Variants in SRP19 observed in about 807,000 individuals in gnomAD.
SRP19 encodes the protein signal recognition particle 19, also known as signal recognition particle 19 kDa protein.
In SRP19, 11 loss-of-function variants were observed where a neutral mutation model predicts 22.4. The observed-to-expected ratio is 0.49, with a 90% CI of 0.31 to 0.81. SRP19 has a LOEUF of 0.81. Among genes scored for constraint, SRP19 ranks in the 40% least tolerant of loss-of-function variants. The pLI is 0.05. For missense variants in SRP19, 168 were observed against 175.9 expected (o/e 0.96, Z 0.25); for synonymous variants, 61 against 57.6 (o/e 1.06, Z -0.27).
intron 4 of SRP19, chr5:112,878,616 ATAT>A (rs1767968552): frequency 9.3e-6 from 9 of 968,494 alleles, no homozygotes; most frequent in Admixed American, 5.9e-5. Context: ...CTCCCTATAT[ATAT>A]AGACAGTAAA....
chr5:112,874,871 G>A (rs1001309437), intron 4 of SRP19, among the ~76,000 whole-genome samples: 13 of 151,600 alleles, frequency 8.6e-5, no homozygotes, highest in Non-Finnish European at 1.6e-4. Flanking sequence ...TGCCTCCTGG[G>A]TTCAAGCCAT....
chr5:112,866,203 G>A (rs144784670), intron 4 of SRP19, among the ~76,000 whole-genome samples: 9,865 of 149,386 alleles, frequency 0.066, 396 homozygotes, highest in South Asian at 0.14. Flanking sequence ...CGCAACCTCC[G>A]CCTCCCGGGT....
chr5:112,893,709 A>G (rs1378449096), downstream of SRP19: 1 of 152,256 alleles, frequency 6.6e-6, no homozygotes, highest in African/African-American at 2.4e-5. Context: ...TGAATGTGCA[A>G]TCATGCAAAA....
At chr5:112,892,299 G>T (rs1327061599) in exon 5 of SRP19, 1 of 1,614,102 alleles carries the variant, frequency 6.2e-7, no homozygotes, top group Admixed American at 1.7e-5. Context: ...AGCAGTGCAG[G>T]AGGGATGACT....
downstream of SRP19, chr5:112,896,822 T>C (rs1027577926): frequency 2.0e-5 from 3 of 151,970 alleles, no homozygotes; most frequent in Non-Finnish European, 4.4e-5. Context: ...TCCCAGCTAC[T>C]CGGGAGGCTG....
chr5:112,873,760 G>T (rs937713053), downstream of SRP19, among the ~76,000 whole-genome samples: 8 of 99,100 alleles, frequency 8.1e-5, no homozygotes, highest in Admixed American at 8.7e-4. Flanking sequence ...TAGTCTTATT[G>T]TTTCCAAGTT....
intron 4 of SRP19, chr5:112,886,914 G>T: frequency 1.2e-6 from 1 of 803,316 alleles, no homozygotes; most frequent in Non-Finnish European, 2.0e-6. Context: ...GCATTTGGCT[G>T]AGGGGTGGTG....
chr5:112,879,328 G>T (rs1419358050), intron 4 of SRP19, among the ~76,000 whole-genome samples: 1 of 37,184 alleles, frequency 2.7e-5, no homozygotes, highest in Non-Finnish European at 4.6e-5. Context: ...ATGTGTTTGG[G>T]GGGGGGGGCT....
In SRP19 at chr5:112,868,313, C is replaced by G. The variant is rs1429839738; in HGVS notation, c.*776C>G. ...GTAGTGATTTTGAGCTATCCCAATTCCTGTTCTTCCTGAGGCCTGGTTTAG... is the reference window on the plus strand; with the variant it reads ...GTAGTGATTTTGAGCTATCCCAATTGCTGTTCTTCCTGAGGCCTGGTTTAG... On this transcript the variant is annotated 3_prime_UTR_variant, in exon 5 of 5. Transcript: ENST00000505459. 1.0e-6 allele frequency: 1 copy of G among 985,658 alleles called. No homozygotes were observed. Among genetic ancestry groups the G allele is most frequent in the African/African-American group, 1.7e-5 (1 of 57,248 alleles). The allele number at this position is 985,658 out of a possible 1,614,324, so 61.1% of individuals were successfully genotyped here.
At chr5:112,875,352 A>G (rs1206956717) in intron 4 of SRP19, among the ~76,000 whole-genome samples, 7 of 145,888 alleles carry the variant, frequency 4.8e-5, no homozygotes, top group Non-Finnish European at 1.1e-4. Context: ...CTTCAGAAGT[A>G]CGTTTTGTTT....
chr5:112,886,126 C>T (rs1296697650), intron 4 of SRP19, among the ~76,000 whole-genome samples: 1 of 152,228 alleles, frequency 6.6e-6, no homozygotes, highest in African/African-American at 2.4e-5. Flanking sequence ...TACTGTTGCT[C>T]TTTTCCTTGA....
rs552927077 is a variant in SRP19 at position 112,892,985 on chromosome 5, G to A, written c.*1378G>A. 1,075 of 1,581,620 alleles carry A rather than the reference G, an allele frequency of 6.8e-4. 4 individuals carry two copies. The highest frequency in any genetic ancestry group is 1.9e-3 in the Admixed American group (109 of 57,640). On this transcript the variant is annotated 3_prime_UTR_variant, in exon 5 of 5. Transcript: ENST00000391338. ...CGGAGCCAGAGCCGCAGGAGCCACC[G>A]CAGCCGGAGCCAAAGTTCCTCTAGG...
chr5:112,882,371 C>T (rs889623836), intron 4 of SRP19, among the ~76,000 whole-genome samples: 2 of 152,176 alleles, frequency 1.3e-5, no homozygotes, highest in Non-Finnish European at 2.9e-5. Context: ...CAGAGTTCTT[C>T]CACCACCACT....
At chr5:112,891,574 T>C in intron 4 of SRP19, 1 of 1,551,690 alleles carries the variant, frequency 6.4e-7, no homozygotes, top group Non-Finnish European at 8.7e-7. Context: ...GTGGCAGCTA[T>C]GAACAAAATC....
chr5:112,895,382 T>C (rs936673583), downstream of SRP19: 16 of 152,152 alleles, frequency 1.1e-4, no homozygotes, highest in African/African-American at 3.6e-4. Flanking sequence ...AATAGAATAG[T>C]AGTATTACCA....
chr5:112,893,111 A>AG (rs772337848), downstream of SRP19: 1 of 988,828 alleles, frequency 1.0e-6, no homozygotes, highest in East Asian at 2.7e-5. Flanking sequence ...AAAAAAAAAA[A>AG]AAAAAAGAAT....
chr5:112,891,654 G>C, exon 5 of SRP19: 1 of 1,610,120 alleles, frequency 6.2e-7, no homozygotes, highest in Non-Finnish European at 8.5e-7. Flanking sequence ...CTGCACTTGA[G>C]AAGATGACGT....
chr5:112,897,428 T>G (rs1768726394), downstream of SRP19: 2 of 151,968 alleles, frequency 1.3e-5, no homozygotes, highest in Non-Finnish European at 2.9e-5. Flanking sequence ...GGACTTTGTT[T>G]TATTCGCCAA....
intron 4 of SRP19, among the ~76,000 whole-genome samples, chr5:112,887,411 C>T (rs529927884): frequency 5.9e-4 from 90 of 152,274 alleles, no homozygotes; most frequent in African/African-American, 2.1e-3. Context: ...AAAGGTAAAA[C>T]ACACCAGGTC....
Sources: gnomAD v4.1 joint callset for allele counts (sites outside exome capture counted in the v4.1 genomes callset) on GRCh38, gnomAD v4.1.1 for gene constraint, MANE v1.5 for transcripts, NCBI Gene and HGNC (gene_info 2026-07-23, HGNC 2026-07-21) for gene names.